Variants in XKR6 observed in about 807,000 individuals in gnomAD.
XKR6 encodes the protein XK related 6.
In XKR6, 22 loss-of-function variants were observed where a neutral mutation model predicts 56.7. The observed-to-expected ratio is 0.39, with a 90% confidence interval of 0.28 to 0.55. The LOEUF (loss-of-function observed/expected upper bound fraction) is 0.55, where lower values mean the gene tolerates loss of function less well. XKR6 is among the 20% of genes least tolerant of loss of function. The pLI is 0.66. For synonymous variants in XKR6, 524 were observed against 387.8 expected (o/e 1.35, Z -4.13); for missense variants, 852 against 889.0 (o/e 0.96, Z 0.53).
chr8:10,898,883 G>A lies in XKR6; in HGVS notation c.995C>T (p.Ala332Val), dbSNP rs1799959097. ...CTTGTGATAGGAGGCTAGCACCCAA[G>A]CCAGGGACATCAGGGAAGTCACAGA... is the stretch of plus-strand genomic sequence containing the variant. ...VSSVTSLMSL[A>V]WVLASYHKLL... Residue 332 changes from alanine (A) to valine (V), a missense_variant, in exon 3 of 3, where the codon GCT (alanine) becomes GTT (valine). By Grantham distance (64) the Ala-to-Val change is moderately conservative. Coordinates refer to ENST00000416569, the MANE Select transcript of XKR6 (RefSeq NM_173683.4). This position sits in a 1 kb window ranked among gnomAD's most constrained non-coding sequence, Gnocchi z 6.6. The A allele has an allele frequency of 1.2e-6, 2 of 1,612,086 alleles. No individual in the cohort carries two copies. Among genetic ancestry groups the A allele is most frequent in the Admixed American group, 3.3e-5 (2 of 59,898 alleles).
intron 1 of XKR6, among the ~76,000 whole-genome samples, chr8:10,927,247 C>G (rs1563292982): frequency 6.6e-6 from 1 of 152,126 alleles, no homozygotes; most frequent in East Asian, 1.9e-4. Context: ...CCAGCTGAAG[C>G]ACCGAGGCAG....
At chr8:11,134,912 T>C (rs1203101430) in intron 1 of XKR6, among the ~76,000 whole-genome samples, 1 of 152,132 alleles carries the variant, frequency 6.6e-6, no homozygotes, top group Non-Finnish European at 1.5e-5. Flanking sequence ...TAGGATGACA[T>C]TTAATAATAC....
intron 1 of XKR6, among the ~76,000 whole-genome samples, chr8:10,969,728 C>G (rs1348315140): frequency 1.3e-5 from 2 of 152,220 alleles, no homozygotes; most frequent in South Asian, 2.1e-4. Flanking sequence ...AGGAGCCCCC[C>G]ACCCACTGGG....
chr8:11,079,416 T>C (rs745892314), intron 1 of XKR6, among the ~76,000 whole-genome samples: 34 of 152,222 alleles, frequency 2.2e-4, no homozygotes, highest in Non-Finnish European at 4.3e-4. Flanking sequence ...ATAAAGCAAA[T>C]TGCAGAACAA....
At chr8:11,093,147 C>T (rs1216066677) in intron 1 of XKR6, among the ~76,000 whole-genome samples, 1 of 150,166 alleles carries the variant, frequency 6.7e-6, no homozygotes, top group African/African-American at 2.5e-5. Context: ...CCTCCACCTC[C>T]CGGGTTCAAA....
intron 1 of XKR6, among the ~76,000 whole-genome samples, chr8:11,067,550 C>T (rs1210772329): frequency 6.6e-6 from 1 of 152,218 alleles, no homozygotes; most frequent in African/African-American, 2.4e-5. Flanking sequence ...TTATCTTAGA[C>T]ATGGGCCAAG....
rs1316736962 is a variant in XKR6, at chr8:11,173,252, G to A, written c.764+27324C>T. On this transcript the variant is annotated intron_variant, in intron 1 of 2. Coordinates refer to ENST00000416569, the MANE Select transcript of XKR6 (RefSeq NM_173683.4). ...CCAGCTACTCAGGAGGCTGAGGCAG[G>A]AGAATGGCGTGAACCCAGGAGGCAG... 2.6e-5 allele frequency among the ~76,000 whole-genome samples: 4 copies of A among 151,600 alleles called. No individual in the cohort carries two copies. In the South Asian group the frequency reaches 8.3e-4, roughly 32 times the overall value.
chr8:11,107,827 C>G (rs914473254), intron 1 of XKR6: 1 of 155,904 alleles, frequency 6.4e-6, no homozygotes, highest in Non-Finnish European at 1.4e-5. Context: ...CATAAAAGAT[C>G]TGTTTTACAA....
At chr8:11,171,878 C>A (rs912305475) in intron 1 of XKR6, among the ~76,000 whole-genome samples, 11 of 151,516 alleles carry the variant, frequency 7.3e-5, no homozygotes, top group African/African-American at 2.4e-4. Context: ...CATGGTGAAA[C>A]CCCATCTCTA....
At chr8:10,972,765 T>C (rs79056198) in intron 1 of XKR6, among the ~76,000 whole-genome samples, 1,708 of 152,300 alleles carry the variant, frequency 0.011, 46 homozygotes, top group African/African-American at 0.039. Context: ...TGCAAGATAA[T>C]AAGACATCTG....
At chr8:10,933,378 CT>C (rs536085514) in intron 1 of XKR6, among the ~76,000 whole-genome samples, 2,330 of 93,352 alleles carry the variant, frequency 0.025, 81 homozygotes, top group Middle Eastern at 0.069. Flanking sequence ...GTTTCTTCTG[CT>C]GTGCAGAAGC....
intron 1 of XKR6, among the ~76,000 whole-genome samples, chr8:11,140,010 G>C (rs1800607123): frequency 6.6e-6 from 1 of 151,918 alleles, no homozygotes; most frequent in Admixed American, 6.6e-5. Flanking sequence ...CAAATCTCTA[G>C]GAAGTACAAA....
chr8:11,082,255 G>A (rs1231036248), intron 1 of XKR6, among the ~76,000 whole-genome samples: 1 of 152,218 alleles, frequency 6.6e-6, no homozygotes, highest in African/African-American at 2.4e-5. Flanking sequence ...ATCTTGCTAA[G>A]AACCAGGAGT....
chr8:11,185,307 G>A (rs915419159), intron 1 of XKR6, among the ~76,000 whole-genome samples: 3 of 152,206 alleles, frequency 2.0e-5, no homozygotes, highest in African/African-American at 7.2e-5. Flanking sequence ...AATGCTAGAA[G>A]TGTTTTGGTC....
intron 1 of XKR6, among the ~76,000 whole-genome samples, chr8:11,142,349 G>C (rs995579662): frequency 2.0e-5 from 3 of 152,114 alleles, no homozygotes; most frequent in African/African-American, 7.2e-5. Context: ...GGGCTTGTAA[G>C]GTCTGATCAA....
At chr8:11,090,957 AC>A (rs1798047988) in intron 1 of XKR6, among the ~76,000 whole-genome samples, 2 of 152,158 alleles carry the variant, frequency 1.3e-5, no homozygotes, top group Admixed American at 6.5e-5. Flanking sequence ...TGCTACGTTA[AC>A]CCAGCTGTAA....
At chr8:11,141,886 G>C (rs995417617) in intron 1 of XKR6, among the ~76,000 whole-genome samples, 3 of 152,010 alleles carry the variant, frequency 2.0e-5, no homozygotes, top group African/African-American at 7.2e-5. Flanking sequence ...GACTGGGGAG[G>C]GGTCTAGGGT....
intron 1 of XKR6, among the ~76,000 whole-genome samples, chr8:10,981,773 T>G (rs1303012063): frequency 6.6e-6 from 1 of 152,258 alleles, no homozygotes; most frequent in East Asian, 1.9e-4. Flanking sequence ...ATATTCTAGC[T>G]TCAGTCTTTT....
intron 1 of XKR6, among the ~76,000 whole-genome samples, chr8:11,198,488 A>C (rs890820228): frequency 9.9e-5 from 15 of 151,274 alleles, no homozygotes; most frequent in African/African-American, 3.4e-4. Flanking sequence ...CAGGCACTTT[A>C]TATCAATGCA....
Sources: allele counts gnomAD v4.1 joint callset (sites outside exome capture counted in the v4.1 genomes callset), GRCh38; gene constraint gnomAD v4.1.1; non-coding constraint Gnocchi (gnomAD v3.1); transcripts MANE v1.5; gene names NCBI Gene and HGNC (gene_info 2026-07-23, HGNC 2026-07-21).